The following CD1B variants were observed in gnomAD, a reference collection of about 807,000 sequenced individuals.
CD1B encodes CD1b molecule, also known as T-cell surface glycoprotein CD1b.
Under a neutral mutation model 39.8 loss-of-function variants are expected in CD1B, and 43 were observed. The observed-to-expected ratio is 1.08, with a 90% CI of 0.85 to 1.39. The LOEUF (loss-of-function observed/expected upper bound fraction) is 1.39. CD1B is among the 40% of genes most tolerant of loss of function. The pLI, the probability that CD1B is intolerant of heterozygous loss-of-function variation, is 0.00. For synonymous variants in CD1B, 192 were observed against 152.5 expected (o/e 1.26, Z -1.91); for missense variants, 495 against 403.8 (o/e 1.23, Z -1.94).
the CD1B span, chr1:158,293,538 T>G: frequency 2.5e-6 from 4 of 1,614,034 alleles, no homozygotes; most frequent in East Asian, 6.7e-5. Flanking sequence ...CCTAGTACAA[T>G]ATAGTGATGC....
At chr1:158,325,038 C>T (rs190745820), downstream of CD1B, among the ~76,000 whole-genome samples, 100 of 152,160 alleles carry the variant, frequency 6.6e-4, 1 homozygote, top group Middle Eastern at 6.8e-3. Flanking sequence ...AGCATTCATT[C>T]TCTTGAGAAC....
In CD1B at chr1:158,328,160, A is replaced by G. The variant is rs1331943301; in HGVS notation, c.*76T>C. ...AAATTTGAAAATCATTTGAAATATG[A>G]TAAGATTGACTTTTGGGCTGATATC... On this transcript the variant is annotated 3_prime_UTR_variant, in exon 6 of 6. Coordinates refer to ENST00000368168, the MANE Select transcript of CD1B (RefSeq NM_001764.3). 2 of 1,055,214 alleles carry G rather than the reference A, an allele frequency of 1.9e-6. No individual in the cohort carries two copies. Among genetic ancestry groups the G allele is most frequent in the Non-Finnish European group, 2.9e-6 (2 of 693,646 alleles). 65.4% of individuals were successfully genotyped at this position (1,055,214 alleles called of 1,614,324 possible).
chr1:158,315,124 C>T, the CD1B span, among the ~76,000 whole-genome samples: 1 of 151,880 alleles, frequency 6.6e-6, no homozygotes, highest in South Asian at 2.1e-4. Context: ...CACACGTGTG[C>T]ATGTGTCTTT....
downstream of CD1B, among the ~76,000 whole-genome samples, chr1:158,323,807 C>A (rs530000573): frequency 4.0e-4 from 61 of 152,268 alleles, no homozygotes; most frequent in Middle Eastern, 3.4e-3. Flanking sequence ...GGAGGGTGCC[C>A]AAGCTGTGTG....
chr1:158,304,849 A>G, the CD1B span, among the ~76,000 whole-genome samples: 4 of 152,164 alleles, frequency 2.6e-5, no homozygotes, highest in South Asian at 2.1e-4. Context: ...ACCTCCAGCA[A>G]ACTCCAACAG....
chr1:158,296,389 C>A, the CD1B span, among the ~76,000 whole-genome samples: 27 of 152,262 alleles, frequency 1.8e-4, no homozygotes, highest in East Asian at 5.2e-3. Flanking sequence ...CTGACCCAAA[C>A]CTATACCATA....
At chr1:158,328,615 G>T (rs769248996) in intron 5 of CD1B, among the ~76,000 whole-genome samples, 2 of 152,158 alleles carry the variant, frequency 1.3e-5, no homozygotes, top group African/African-American at 2.4e-5. Flanking sequence ...AACTTGCAGC[G>T]TAATAGGAAT....
the CD1B span, among the ~76,000 whole-genome samples, chr1:158,311,666 A>G: frequency 6.6e-6 from 1 of 151,962 alleles, no homozygotes; most frequent in Non-Finnish European, 1.5e-5. Context: ...TCTTCATTTG[A>G]TTTTGTATAT....
chr1:158,289,992 C>G, the CD1B span: 5 of 1,382,984 alleles, frequency 3.6e-6, no homozygotes, highest in South Asian at 2.4e-5. Context: ...AATATAGGTA[C>G]AGAGGGATAA....
rs763552109 is a variant in CD1B at position 158,329,463 on chromosome 1, C to T, written c.793G>A (p.Ala265Thr). Residue 265 changes from alanine to threonine, a missense_variant, in exon 4 of 6, where the codon GCA (alanine) becomes ACA (threonine). Physicochemically the swap from Ala to Thr is moderately conservative, Grantham distance 58. Transcript: ENST00000368168. ...PNANWTWYLRATLDVADGEAA... is the reference protein window; with the variant it reads ...PNANWTWYLRTTLDVADGEAA... ...TCCCCATCTGCCACATCCAGGGTTGCTCGGAGATACCATGTCCAGTTAGCA... is the reference window on the plus strand; with the variant it reads ...TCCCCATCTGCCACATCCAGGGTTGTTCGGAGATACCATGTCCAGTTAGCA... 3 of 1,614,154 alleles carry T rather than the reference C, an allele frequency of 1.9e-6. No individual in the cohort carries two copies. Among genetic ancestry groups the T allele is most frequent in the Non-Finnish European group, 2.5e-6 (3 of 1,180,028 alleles).
chr1:158,306,515 G>T, the CD1B span, among the ~76,000 whole-genome samples: 6 of 152,126 alleles, frequency 3.9e-5, no homozygotes, highest in African/African-American at 1.4e-4. Context: ...ACATTAGACA[G>T]GTCAACGAGA....
At chr1:158,290,063 A>G in the CD1B span, 1 of 1,613,686 alleles carries the variant, frequency 6.2e-7, no homozygotes, top group Non-Finnish European at 8.5e-7. Flanking sequence ...TCTGCAAATG[A>G]CATGCTGTTT....
the CD1B span, among the ~76,000 whole-genome samples, chr1:158,309,611 G>T: frequency 6.6e-6 from 1 of 152,090 alleles, no homozygotes; most frequent in Non-Finnish European, 1.5e-5. Flanking sequence ...ACTGGATTAA[G>T]AAAATGTGGC....
downstream of CD1B, among the ~76,000 whole-genome samples, chr1:158,325,925 A>C (rs1023337776): frequency 6.6e-6 from 1 of 152,166 alleles, no homozygotes; most frequent in Non-Finnish European, 1.5e-5. Flanking sequence ...AGATATACAT[A>C]GTATAATAAA....
At chr1:158,325,039 T>C (rs1283009138), downstream of CD1B, among the ~76,000 whole-genome samples, 2 of 152,180 alleles carry the variant, frequency 1.3e-5, no homozygotes, top group African/African-American at 2.4e-5. Context: ...GCATTCATTC[T>C]CTTGAGAACG....
chr1:158,302,192 G>T, the CD1B span, among the ~76,000 whole-genome samples: 1 of 152,176 alleles, frequency 6.6e-6, no homozygotes, highest in Non-Finnish European at 1.5e-5. Context: ...GGTCCTGAAA[G>T]ACTTTTGGGT....
chr1:158,307,827 AT>A, the CD1B span, among the ~76,000 whole-genome samples: 82 of 152,314 alleles, frequency 5.4e-4, no homozygotes, highest in African/African-American at 1.8e-3. Flanking sequence ...TATTGATGGG[AT>A]GTATCTCAAA....
At chr1:158,317,655 T>C in the CD1B span, among the ~76,000 whole-genome samples, 2 of 152,192 alleles carry the variant, frequency 1.3e-5, no homozygotes, top group Non-Finnish European at 1.5e-5. Context: ...TTTGTGTCTC[T>C]ATTTCCTTCA....
At chr1:158,286,889 A>G in the CD1B span, among the ~76,000 whole-genome samples, 1 of 151,858 alleles carries the variant, frequency 6.6e-6, no homozygotes, top group Admixed American at 6.6e-5. Flanking sequence ...AGACTGATTT[A>G]TCTCACTGAT....
Sources: gnomAD v4.1 joint callset for allele counts (sites outside exome capture counted in the v4.1 genomes callset) on GRCh38, gnomAD v4.1.1 for gene constraint, MANE v1.5 for transcripts, NCBI Gene and HGNC (gene_info 2026-07-23, HGNC 2026-07-21) for gene names.